The following ST8SIA1 variants were observed in gnomAD, a reference collection of about 807,000 sequenced individuals.
ST8SIA1 encodes ST8 alpha-N-acetyl-neuraminide alpha-2,8-sialyltransferase 1.
ST8SIA1 carries 16 observed loss-of-function variants against 35.9 expected under a neutral mutation model. That is an observed-to-expected ratio of 0.45 (90% CI 0.30 to 0.68). The LOEUF is 0.68. ST8SIA1 is among the 30% of genes least tolerant of loss of function. The probability of loss-of-function intolerance (pLI) is 0.09; values close to 1 mark genes in which losing one functional copy is unlikely to be tolerated. For missense variants in ST8SIA1, 383 were observed against 453.6 expected (o/e 0.84, Z 1.41); for synonymous variants, 170 against 169.6 (o/e 1.00, Z -0.02).
In ST8SIA1 at chr12:22,196,582, T is replaced by C. The variant is rs748473955; in HGVS notation, c.*4970A>G. ...TATTTAGGAGTTTATAAACAGACGCTCTGGGCTTCAGACTTCCTGTGAGTT... is the reference window on the plus strand; with the variant it reads ...TATTTAGGAGTTTATAAACAGACGCCCTGGGCTTCAGACTTCCTGTGAGTT... On this transcript the variant is annotated 3_prime_UTR_variant, in exon 5 of 5. Transcript: ENST00000396037. The C allele has an allele frequency of 9.2e-5, 14 of 152,210 alleles. No homozygotes were observed. Among genetic ancestry groups the C allele is most frequent in the Non-Finnish European group, 1.8e-4 (12 of 68,044 alleles). The allele number at this position is 152,210 out of a possible 1,614,324, so 9.4% of individuals were successfully genotyped here.
At chr12:22,255,144 G>A in intron 3 of ST8SIA1, 136 bp downstream of exon 3, 1 of 704,208 alleles carries the variant, frequency 1.4e-6, no homozygotes, top group Admixed American at 2.3e-5. Context: ...GCTTGTCTAT[G>A]AGCTGGAAGT....
intron 1 of ST8SIA1, among the ~76,000 whole-genome samples, chr12:22,322,021 C>T (rs1370092740): frequency 6.6e-6 from 1 of 152,238 alleles, no homozygotes. Context: ...TTTTCCTCTC[C>T]AGCAGTTCAC....
rs368264935 is a variant in ST8SIA1 at position 22,249,422 on chromosome 12, G to A, written c.492-324C>T. On this transcript the variant is annotated intron_variant, in intron 3 of 4. Coordinates refer to ENST00000396037, the MANE Select transcript of ST8SIA1 (RefSeq NM_003034.4). ...TTTTTAGTAGAGACGGAGTTTCACC[G>A]TGTTATCCAGGACGGTCTCGATCTC... is the stretch of plus-strand genomic sequence containing the variant. Among the ~76,000 whole-genome samples the A allele has an allele frequency of 3.0e-4, 46 of 152,054 alleles. No homozygotes were observed. The East Asian group carries it at 4.1e-3, about 13-fold the overall frequency.
At chr12:22,236,850 T>C (rs1865480813) in intron 4 of ST8SIA1, among the ~76,000 whole-genome samples, 1 of 152,202 alleles carries the variant, frequency 6.6e-6, no homozygotes, top group South Asian at 2.1e-4. Context: ...CTCCTGTGTG[T>C]CAGGTCCTGT....
intron 2 of ST8SIA1, among the ~76,000 whole-genome samples, chr12:22,276,434 A>AC (rs1308992218): frequency 1.3e-5 from 2 of 151,936 alleles, no homozygotes; most frequent in Admixed American, 1.3e-4. Context: ...GGCTGAGAGC[A>AC]CCCCCCAAAC....
At chr12:22,278,852 C>A in intron 2 of ST8SIA1, among the ~76,000 whole-genome samples, 1 of 152,248 alleles carries the variant, frequency 6.6e-6, no homozygotes, top group Non-Finnish European at 1.5e-5. Flanking sequence ...CCTCAAAAAG[C>A]ACTTTTGTTT....
chr12:22,299,980 G>T lies in ST8SIA1; in HGVS notation c.237-12687C>A, dbSNP rs1288543892. Reference sequence around the variant, plus strand: ...CAGAAAGTCTTTTCTTTTGCCTTTTGGTAACAGGCCTAACAGATTTTACAT... The same window carrying T: ...CAGAAAGTCTTTTCTTTTGCCTTTTTGTAACAGGCCTAACAGATTTTACAT... On this transcript the variant is annotated intron_variant, in intron 1 of 4. Transcript: ENST00000396037. Among the ~76,000 whole-genome samples the T allele has an allele frequency of 2.0e-5, 3 of 152,000 alleles. No individual in the cohort carries two copies. The East Asian group carries it at 5.8e-4, about 29-fold the overall frequency.
chr12:22,271,270 G>C (rs189760579), intron 2 of ST8SIA1, among the ~76,000 whole-genome samples: 3 of 152,282 alleles, frequency 2.0e-5, no homozygotes, highest in African/African-American at 7.2e-5. Flanking sequence ...GGAAGCACTG[G>C]CAACAGAAAG....
rs1291900012 is a variant in ST8SIA1 at position 22,199,284 on chromosome 12, A to T, written c.*2268T>A. ...GATTCTAGTCCAGATGATATTTTCA[A>T]TGGAACTGTGATGTATGGGCTCTAT... On this transcript the variant is annotated 3_prime_UTR_variant, in exon 5 of 5. Transcript: ENST00000396037. 1 of 151,790 alleles carries T rather than the reference A, an allele frequency of 6.6e-6. No individual in the cohort carries two copies. Among genetic ancestry groups the T allele is most frequent in the Non-Finnish European group, 1.5e-5 (1 of 67,998 alleles). 9.4% of individuals were successfully genotyped at this position (151,790 alleles called of 1,614,324 possible).
At chr12:22,257,703 T>C (rs1865743930) in intron 2 of ST8SIA1, among the ~76,000 whole-genome samples, 2 of 151,496 alleles carry the variant, frequency 1.3e-5, no homozygotes, top group African/African-American at 4.9e-5. Flanking sequence ...TGTCTGGAGA[T>C]GAAGAAGCGA....
rs1397709001 is a variant in ST8SIA1 at position 22,334,526 on chromosome 12, G to T, written c.-294C>A. The T allele has an allele frequency of 6.4e-6, 3 of 467,134 alleles. No homozygotes were observed. The highest frequency in any genetic ancestry group is 1.2e-5 in the Non-Finnish European group (3 of 259,594). The allele number at this position is 467,134 out of a possible 1,614,324, so 28.9% of individuals were successfully genotyped here. A position where few individuals can be genotyped will look rare whatever the true frequency, so the allele number is the denominator to read the frequency against. On this transcript the variant is annotated 5_prime_UTR_variant, in exon 1 of 5. An upstream open reading frame in the 5' UTR gains an earlier in-frame stop. Coordinates refer to ENST00000396037, the MANE Select transcript of ST8SIA1 (RefSeq NM_003034.4). The stretch of plus-strand genomic sequence containing the variant: ...GGCGGGCGCTGGGGTCTCCGAGTGC[G>T]CAGAGAGCGGCGGCGGCGAGTCGCT...
intron 1 of ST8SIA1, chr12:22,325,913 G>A (rs77294784): frequency 0.024 from 16,679 of 699,132 alleles, 268 homozygotes; most frequent in Non-Finnish European, 0.033. Flanking sequence ...TGGGCAGCAA[G>A]TGTCAACAGT....
At position 22,334,532 on chromosome 12, in the gene ST8SIA1, A is replaced by AGCG. The variant is rs1866821875; in HGVS notation, c.-303_-301dup. 6.6e-6 allele frequency: 3 copies of AGCG among 453,380 alleles called. No homozygotes were observed. The highest frequency in any genetic ancestry group is 3.8e-5 in the Admixed American group (1 of 26,214). The allele number at this position is 453,380 out of a possible 1,614,324, so 28.1% of individuals were successfully genotyped here. A position where few individuals can be genotyped will look rare whatever the true frequency, so the allele number is the denominator to read the frequency against. Reference sequence around the variant, plus strand: ...CGCTGGGGTCTCCGAGTGCGCAGAGAGCGGCGGCGGCGAGTCGCTCCCGCC... The same window carrying AGCG: ...CGCTGGGGTCTCCGAGTGCGCAGAGAGCGGCGGCGGCGGCGAGTCGCTCCCGCC... On this transcript the variant is annotated 5_prime_UTR_variant, in exon 1 of 5. Transcript: ENST00000396037.
At chr12:22,224,412 C>T (rs557307704) in intron 4 of ST8SIA1, among the ~76,000 whole-genome samples, 20 of 151,726 alleles carry the variant, frequency 1.3e-4, no homozygotes, top group African/African-American at 4.6e-4. Flanking sequence ...TGGGTTCAAG[C>T]GATTATCCTG....
rs1864997289 is a variant in ST8SIA1, at chr12:22,197,030, C to G, written c.*4522G>C. The G allele has an allele frequency of 6.6e-6, 1 of 152,166 alleles. No homozygotes were observed. The highest frequency in any genetic ancestry group is 6.5e-5 in the Admixed American group (1 of 15,274). The allele number at this position is 152,166 out of a possible 1,614,324, so 9.4% of individuals were successfully genotyped here. A position where few individuals can be genotyped will look rare whatever the true frequency, so the allele number is the denominator to read the frequency against. On this transcript the variant is annotated 3_prime_UTR_variant, in exon 5 of 5. Transcript: ENST00000396037. ...GGTCATCTCCTTTCAACTTGCCTCA[C>G]CCTCCTCCTAGCACATAGTGGAATG...
chr12:22,271,180 A>G (rs1865908395), intron 2 of ST8SIA1, among the ~76,000 whole-genome samples: 1 of 152,204 alleles, frequency 6.6e-6, no homozygotes, highest in South Asian at 2.1e-4. Context: ...TGACTCAGTA[A>G]GAAAACATCT....
At chr12:22,311,943 TG>T (rs1317163524) in intron 1 of ST8SIA1, among the ~76,000 whole-genome samples, 1 of 152,112 alleles carries the variant, frequency 6.6e-6, no homozygotes, top group African/African-American at 2.4e-5. Context: ...CTGTCAAAAT[TG>T]AGGAATTAGT....
chr12:22,299,420 C>G (rs1199501938), intron 1 of ST8SIA1, among the ~76,000 whole-genome samples: 1 of 151,940 alleles, frequency 6.6e-6, no homozygotes, highest in Admixed American at 6.6e-5. Context: ...TAAATTTAGT[C>G]TTAGAATAAA....
At position 22,195,230 on chromosome 12, in the gene ST8SIA1, G is replaced by GAAAA. The variant is rs1591820409; in HGVS notation, c.*6318_*6321dup. 7.4e-6 allele frequency: 1 copy of GAAAA among 135,470 alleles called. No individual in the cohort carries two copies. The highest frequency in any genetic ancestry group is 1.6e-5 in the Non-Finnish European group (1 of 62,002). The allele number at this position is 135,470 out of a possible 1,614,324, so 8.4% of individuals were successfully genotyped here. On this transcript the variant is annotated 3_prime_UTR_variant, in exon 5 of 5. Coordinates refer to ENST00000396037, the MANE Select transcript of ST8SIA1 (RefSeq NM_003034.4). ...AAAAAAAAGAAAGAAAGAAAGAAAG[G>GAAAA]AAAAAGAAAACGGGAGTGTTGTTTC...
Sources: allele counts gnomAD v4.1 joint callset (sites outside exome capture counted in the v4.1 genomes callset), GRCh38; gene constraint gnomAD v4.1.1; transcripts MANE v1.5; gene names NCBI Gene and HGNC (gene_info 2026-07-23, HGNC 2026-07-21).